IGFBP5: variants seen among roughly 807,000 people sequenced by gnomAD.
The protein encoded by IGFBP5 is insulin like growth factor binding protein 5, also known as insulin-like growth factor-binding protein 5.
Under a neutral mutation model 28.0 loss-of-function variants are expected in IGFBP5, and 12 were observed. The observed-to-expected ratio is 0.43, with a 90% confidence interval of 0.27 to 0.69. The LOEUF is 0.69. Among genes scored for constraint, IGFBP5 ranks in the 30% least tolerant of loss-of-function variants. IGFBP5 has a pLI of 0.20. For missense variants in IGFBP5, 344 were observed against 381.6 expected (o/e 0.90, Z 0.82); for synonymous variants, 152 against 150.2 (o/e 1.01, Z -0.09).
At chr2:216,690,895 G>C (rs1574583052) in intron 1 of IGFBP5, among the ~76,000 whole-genome samples, 1 of 143,944 alleles carries the variant, frequency 6.9e-6, no homozygotes, top group Non-Finnish European at 1.5e-5. Flanking sequence ...GGCGGGGTGG[G>C]CGGGGGCGGG....
chr2:216,690,077 T>C (rs756936213), intron 1 of IGFBP5, among the ~76,000 whole-genome samples: 5 of 151,200 alleles, frequency 3.3e-5, no homozygotes, highest in Non-Finnish European at 7.4e-5. Context: ...GGGAGGGGAG[T>C]AGAAGCCTAC....
rs888758838 is a variant in IGFBP5, at chr2:216,674,496, T to C, written c.*2255A>G. On this transcript the variant is annotated 3_prime_UTR_variant, in exon 4 of 4. Coordinates refer to ENST00000233813, the MANE Select transcript of IGFBP5 (RefSeq NM_000599.4). The surrounding 1 kb of genome is among the most constrained non-coding windows in gnomAD (Gnocchi z 4.4). ...CCCATCAGTTGAAACAGATTTGCTT[T>C]TTCGCTATTCCTCTTCGTAGCCCCA... is the stretch of plus-strand genomic sequence containing the variant. The C allele has an allele frequency of 1.3e-5, 2 of 152,394 alleles. No individual in the cohort carries two copies. The highest frequency in any genetic ancestry group is 2.9e-5 in the Non-Finnish European group (2 of 68,084). The allele number at this position is 152,394 out of a possible 1,614,324, so 9.4% of individuals were successfully genotyped here.
At position 216,672,538 on chromosome 2, in the gene IGFBP5, AAACAAC is replaced by A. The variant is rs72065152; in HGVS notation, c.*4207_*4212del. On this transcript the variant is annotated 3_prime_UTR_variant, in exon 4 of 4. Transcript: ENST00000233813. ...TCTTCAAAAAAAAAAAGAAAAAGAAAAACAACAACAACAACAACGAAAACAACCGGT... is the reference window on the plus strand; with the variant it reads ...TCTTCAAAAAAAAAAAGAAAAAGAAAAACAACAACAACGAAAACAACCGGT... The A allele has an allele frequency of 2.0e-5, 3 of 152,402 alleles. No homozygotes were observed. The South Asian group carries it at 6.2e-4, about 32-fold the overall frequency. The allele number at this position is 152,402 out of a possible 1,614,324, so 9.4% of individuals were successfully genotyped here. A position where few individuals can be genotyped will look rare whatever the true frequency, so the allele number is the denominator to read the frequency against.
intron 1 of IGFBP5, among the ~76,000 whole-genome samples, chr2:216,688,164 TACTC>T (rs977017337): frequency 7.7e-4 from 117 of 152,316 alleles, no homozygotes; most frequent in African/African-American, 2.6e-3. Context: ...TAAAAACAGA[TACTC>T]AACTCAGTTA....
intron 1 of IGFBP5, among the ~76,000 whole-genome samples, chr2:216,690,856 C>T (rs1689086531): frequency 7.7e-6 from 1 of 129,884 alleles, no homozygotes; most frequent in Non-Finnish European, 1.6e-5. Context: ...CCAGTCTGAG[C>T]TGACACAGCA....
intron 3 of IGFBP5, among the ~76,000 whole-genome samples, chr2:216,677,334 G>A (rs1175861470): frequency 6.6e-6 from 1 of 152,034 alleles, no homozygotes; most frequent in Non-Finnish European, 1.5e-5. Context: ...TAATGATGAT[G>A]GTAATAATAA....
At position 216,692,446 on chromosome 2, in the gene IGFBP5, T is replaced by C. The variant is rs111410475; in HGVS notation, c.337+1993A>G. Among the ~76,000 whole-genome samples the C allele has an allele frequency of 1.5e-3, 228 of 151,466 alleles. 1 individual carries two copies. The highest frequency in any genetic ancestry group is 5.1e-3 in the African/African-American group (209 of 41,314). ...GCCTAGCAATTGCGCGCGCGTGCGC[T>C]CTGCGTGTACACCCTTCACACTAGC... is the stretch of plus-strand genomic sequence containing the variant. On this transcript the variant is annotated intron_variant, in intron 1 of 3. Transcript: ENST00000233813. The surrounding 1 kb of genome is among the most constrained non-coding windows in gnomAD (Gnocchi z 4.2).
At position 216,676,739 on chromosome 2, in the gene IGFBP5, G is replaced by T. The variant is rs777960489; in HGVS notation, c.*12C>A. ...GTGGGAGGGGGTGAGGGAAAGGTTG[G>T]GGGGGGACGCATCACTCAACGTTGC... On this transcript the variant is annotated 3_prime_UTR_variant, in exon 4 of 4. Transcript: ENST00000233813. The T allele has an allele frequency of 1.6e-5, 26 of 1,607,014 alleles. No individual in the cohort carries two copies. The highest frequency in any genetic ancestry group is 3.4e-4 in the Middle Eastern group (2 of 5,850).
At position 216,694,968 on chromosome 2, in the gene IGFBP5, G is replaced by A. The variant is rs958728991; in HGVS notation, c.-193C>T. The A allele has an allele frequency of 1.7e-5, 7 of 409,944 alleles. No individual in the cohort carries two copies. Among genetic ancestry groups the A allele is most frequent in the African/African-American group, 1.4e-4 (7 of 48,654 alleles). 25.4% of individuals were successfully genotyped at this position (409,944 alleles called of 1,614,324 possible). ...AGGTGGAGGGCTGGGGTGCCTGCGA[G>A]CAGGTCCCAGTTGCAAGAATTAAAG... On this transcript the variant is annotated 5_prime_UTR_variant, in exon 1 of 4. Coordinates refer to ENST00000233813, the MANE Select transcript of IGFBP5 (RefSeq NM_000599.4). This position sits in a 1 kb window ranked among gnomAD's most constrained non-coding sequence, Gnocchi z 5.2.
rs1689149287 is a variant in IGFBP5, at chr2:216,694,824, G to C, written c.-49C>G. 2 of 1,288,448 alleles carry C rather than the reference G, an allele frequency of 1.6e-6. No individual in the cohort carries two copies. Among genetic ancestry groups the C allele is most frequent in the African/African-American group, 3.1e-5 (2 of 63,994 alleles). 79.8% of individuals were successfully genotyped at this position (1,288,448 alleles called of 1,614,324 possible). On this transcript the variant is annotated 5_prime_UTR_variant, in exon 1 of 4. Coordinates refer to ENST00000233813, the MANE Select transcript of IGFBP5 (RefSeq NM_000599.4). This position sits in a 1 kb window ranked among gnomAD's most constrained non-coding sequence, Gnocchi z 5.2. ...CTCGGGGTGGGGCAGGAGAGCGAGA[G>C]TGCAGGGATAAAGGGGCCAAGAGGG...
intron 1 of IGFBP5, among the ~76,000 whole-genome samples, chr2:216,684,023 A>C (rs1689008444): frequency 6.6e-6 from 1 of 152,178 alleles, no homozygotes; most frequent in Non-Finnish European, 1.5e-5. Context: ...TAACATGAAC[A>C]CGTGTTTGAG....
chr2:216,694,559 G>A lies in IGFBP5; in HGVS notation c.217C>T (p.Arg73Cys). 1 of 1,564,592 alleles carries A rather than the reference G, an allele frequency of 6.4e-7. No individual in the cohort carries two copies. Among genetic ancestry groups the A allele is most frequent in the Non-Finnish European group, 8.6e-7 (1 of 1,157,750 alleles). Residue 73 changes from arginine (R) to cysteine (C), a missense_variant, in exon 1 of 4, where the codon CGC becomes TGC. Arg to Cys is a radical substitution (Grantham distance 180). Around this residue, in one of 3 missense-constraint regions of IGFBP5, gnomAD observed 304 missense variants for 329.2 expected, o/e 0.92. Transcript: ENST00000233813. This position sits in a 1 kb window ranked among gnomAD's most constrained non-coding sequence, Gnocchi z 5.2. The stretch of plus-strand genomic sequence containing the variant: ...AGGCAGCGCAGCCCCTGGGCGCAGC[G>A]CTCGGTGTAGACGCCGCACGACTGC... ...EGQSCGVYTE[R>C]CAQGLRCLPR...
rs1688897951 is a variant in IGFBP5, at chr2:216,676,400, T to C, written c.*351A>G. 5.8e-6 allele frequency: 1 copy of C among 173,856 alleles called. No individual in the cohort carries two copies. Among genetic ancestry groups the C allele is most frequent in the South Asian group, 1.2e-4 (1 of 8,028 alleles). The allele number at this position is 173,856 out of a possible 1,614,324, so 10.8% of individuals were successfully genotyped here. On this transcript the variant is annotated 3_prime_UTR_variant, in exon 4 of 4. Coordinates refer to ENST00000233813, the MANE Select transcript of IGFBP5 (RefSeq NM_000599.4). ...TGTCCTTCCTGCCCACCTGCTTGTCTTCCTTTTCCTAACTCTATTCGTCTT... is the reference window on the plus strand; with the variant it reads ...TGTCCTTCCTGCCCACCTGCTTGTCCTCCTTTTCCTAACTCTATTCGTCTT...
chr2:216,691,443 T>TC (rs1689094572), intron 1 of IGFBP5, among the ~76,000 whole-genome samples: 23 of 151,922 alleles, frequency 1.5e-4, no homozygotes, highest in Admixed American at 3.9e-4. Context: ...CTTCCTTGAC[T>TC]CCCTCCACTC....
At position 216,679,804 on chromosome 2, in the gene IGFBP5, C is replaced by T. The variant is rs537033708; in HGVS notation, c.338-725G>A. Among the ~76,000 whole-genome samples the T allele has an allele frequency of 6.6e-6, 1 of 152,184 alleles. No individual in the cohort carries two copies. Among genetic ancestry groups the T allele is most frequent in the African/African-American group, 2.4e-5 (1 of 41,520 alleles). On this transcript the variant is annotated intron_variant, in intron 1 of 3. Transcript: ENST00000233813. The surrounding 1 kb of genome is among the most constrained non-coding windows in gnomAD (Gnocchi z 4.6). ...TGCTCCTGCTCTGGCTCAGAACTGG[C>T]GCGGTGCTCGGGGGCCTGGGAGGCT...
At position 216,674,774 on chromosome 2, in the gene IGFBP5, C is replaced by T. The variant is rs1044865587; in HGVS notation, c.*1977G>A. The T allele has an allele frequency of 6.6e-6, 1 of 152,198 alleles. No homozygotes were observed. The highest frequency in any genetic ancestry group is 2.4e-5 in the African/African-American group (1 of 41,440). The allele number at this position is 152,198 out of a possible 1,614,324, so 9.4% of individuals were successfully genotyped here. On this transcript the variant is annotated 3_prime_UTR_variant, in exon 4 of 4. Coordinates refer to ENST00000233813, the MANE Select transcript of IGFBP5 (RefSeq NM_000599.4). The surrounding 1 kb of genome is among the most constrained non-coding windows in gnomAD (Gnocchi z 4.4). Reference sequence around the variant, plus strand: ...TCCCTGCTTGTCCCAGCTTTCCTTCCATCCTCCACCCCAGGGAGGATGCAG... The same window carrying T: ...TCCCTGCTTGTCCCAGCTTTCCTTCTATCCTCCACCCCAGGGAGGATGCAG...
chr2:216,678,562 T>C (rs1003618967), intron 2 of IGFBP5, among the ~76,000 whole-genome samples: 1 of 152,216 alleles, frequency 6.6e-6, no homozygotes, highest in Non-Finnish European at 1.5e-5. Flanking sequence ...AGTCTCTGCC[T>C]TGGACTGGAC....
Position 216,694,150 on chromosome 2 carries a change from C to G in IGFBP5, c.337+289G>C, listed in dbSNP as rs191346251. Reference sequence around the variant, plus strand: ...TACCAGGGGATTTGGACCTTGTGACCGAATAAGAGCTCAGAATCAGTATTC... The same window carrying G: ...TACCAGGGGATTTGGACCTTGTGACGGAATAAGAGCTCAGAATCAGTATTC... On this transcript the variant is annotated intron_variant, in intron 1 of 3. Coordinates refer to ENST00000233813, the MANE Select transcript of IGFBP5 (RefSeq NM_000599.4). The surrounding 1 kb of genome is among the most constrained non-coding windows in gnomAD (Gnocchi z 5.2). Among the ~76,000 whole-genome samples, 1 of 148,856 alleles carries G rather than the reference C, an allele frequency of 6.7e-6. No homozygotes were observed. The highest frequency in any genetic ancestry group is 2.5e-5 in the African/African-American group (1 of 40,020).
At position 216,694,959 on chromosome 2, in the gene IGFBP5, T is replaced by A; in HGVS notation, c.-184A>T. ...TGTAGAGAGAGGTGGAGGGCTGGGG[T>A]GCCTGCGAGCAGGTCCCAGTTGCAA... On this transcript the variant is annotated 5_prime_UTR_variant, in exon 1 of 4. Transcript: ENST00000233813. The surrounding 1 kb of genome is among the most constrained non-coding windows in gnomAD (Gnocchi z 5.2). 2.4e-6 allele frequency: 1 copy of A among 418,942 alleles called. No homozygotes were observed. The highest frequency in any genetic ancestry group is 1.0e-4 in the South Asian group (1 of 9,776). The allele number at this position is 418,942 out of a possible 1,614,324, so 26.0% of individuals were successfully genotyped here.
Sources: allele counts gnomAD v4.1 joint callset (sites outside exome capture counted in the v4.1 genomes callset), GRCh38; gene constraint gnomAD v4.1.1; regional missense constraint gnomAD v4.1.1; non-coding constraint Gnocchi (gnomAD v3.1); transcripts MANE v1.5; gene names NCBI Gene and HGNC (gene_info 2026-07-23, HGNC 2026-07-21).